The following VAV3 variants were observed in gnomAD, a reference collection of about 807,000 sequenced individuals.
The protein encoded by VAV3 is vav guanine nucleotide exchange factor 3, also known as guanine nucleotide exchange factor VAV3.
A neutral mutation model predicts 131.2 loss-of-function variants in VAV3; 94 were observed. The observed-to-expected ratio is 0.72, with a 90% CI of 0.61 to 0.85. VAV3 has a LOEUF of 0.85. VAV3 is among the 40% of genes least tolerant of loss of function. The pLI is 0.00. For synonymous variants in VAV3, 349 were observed against 342.0 expected (o/e 1.02, Z -0.22); for missense variants, 939 against 1,002.7 (o/e 0.94, Z 0.86).
At chr1:107,923,247 C>T (rs181159165) in intron 1 of VAV3, among the ~76,000 whole-genome samples, 510 of 152,098 alleles carry the variant, frequency 3.4e-3, no homozygotes, top group Non-Finnish European at 6.0e-3. Context: ...TTGCTTAACC[C>T]CCAACTAATA....
intron 1 of VAV3, among the ~76,000 whole-genome samples, chr1:107,900,035 T>C (rs1671779696): frequency 6.6e-6 from 1 of 152,214 alleles, no homozygotes; most frequent in Non-Finnish European, 1.5e-5. Flanking sequence ...CAGCAGGCAT[T>C]TGTAGCTCAC....
chr1:107,712,107 AAC>A (rs1173019984), intron 15 of VAV3, among the ~76,000 whole-genome samples: 1 of 152,220 alleles, frequency 6.6e-6, no homozygotes, highest in Non-Finnish European at 1.5e-5. Context: ...CTTGCAAACC[AAC>A]ACACAAACAT....
chr1:107,694,748 T>C (rs2101801751), intron 17 of VAV3, among the ~76,000 whole-genome samples: 1 of 152,320 alleles, frequency 6.6e-6, no homozygotes, highest in South Asian at 2.1e-4. Context: ...ACAGTGGTAC[T>C]CATTTGTCTG....
chr1:107,880,115 G>A (rs1049759415), intron 1 of VAV3, among the ~76,000 whole-genome samples: 53 of 152,166 alleles, frequency 3.5e-4, no homozygotes, highest in African/African-American at 1.2e-3. Context: ...GTGAGTCCAC[G>A]GTTGCACAAT....
At chr1:107,929,753 G>GT (rs1208354249) in intron 1 of VAV3, among the ~76,000 whole-genome samples, 1 of 152,130 alleles carries the variant, frequency 6.6e-6, no homozygotes, top group Non-Finnish European at 1.5e-5. Context: ...AAACAGTTTT[G>GT]TTATCAGCTT....
chr1:107,625,866 T>C (rs1653979402), intron 20 of VAV3, among the ~76,000 whole-genome samples: 1 of 152,200 alleles, frequency 6.6e-6, no homozygotes, highest in Non-Finnish European at 1.5e-5. Context: ...GAATTCCAAA[T>C]TCATGGCCCA....
chr1:107,728,600 C>CGTATATGTATATGTATATGTATAT (rs55725323), intron 15 of VAV3, among the ~76,000 whole-genome samples: 5,394 of 136,870 alleles, frequency 0.039, 162 homozygotes, highest in East Asian at 0.073. Context: ...TATACGTATA[C>CGTATATGTATATGTATATGTATAT]GTATATGTAT....
At chr1:107,942,529 T>G (rs577463682) in intron 1 of VAV3, among the ~76,000 whole-genome samples, 4 of 152,308 alleles carry the variant, frequency 2.6e-5, no homozygotes, top group Admixed American at 1.3e-4. Context: ...ATCATTAGAG[T>G]GATCTCTTTT....
chr1:107,576,299 T>C (rs1414309420), intron 25 of VAV3: 8 of 1,024,590 alleles, frequency 7.8e-6, no homozygotes, highest in Non-Finnish European at 1.1e-5. Flanking sequence ...TGTGAGGAGA[T>C]GTATCCGTAT....
At chr1:107,586,159 C>G (rs1217449711) in intron 25 of VAV3, among the ~76,000 whole-genome samples, 1 of 138,398 alleles carries the variant, frequency 7.2e-6, no homozygotes, top group Non-Finnish European at 1.6e-5. Context: ...TTTTTTTTTC[C>G]CAGAGCGCTC....
rs930608895 is a variant in VAV3 at position 107,886,461 on chromosome 1, A to T, written c.205-11444T>A. 1.2e-4 allele frequency among the ~76,000 whole-genome samples: 19 copies of T among 152,222 alleles called. 1 individual carries two copies. Among genetic ancestry groups the T allele is most frequent in the Admixed American group, 1.2e-3 (18 of 15,286 alleles). ...GACTGCAGGCACCTGCCACTTATCTAGACTTGTGTTCCATTCTAAGGAATG... is the reference window on the plus strand; with the variant it reads ...GACTGCAGGCACCTGCCACTTATCTTGACTTGTGTTCCATTCTAAGGAATG... On this transcript the variant is annotated intron_variant, in intron 1 of 26. Transcript: ENST00000370056.
intron 1 of VAV3, among the ~76,000 whole-genome samples, chr1:107,880,158 A>T (rs1038428558): frequency 6.6e-6 from 1 of 152,204 alleles, no homozygotes; most frequent in African/African-American, 2.4e-5. Flanking sequence ...ATACATTCAG[A>T]TGCTCCTTGA....
At chr1:107,712,087 C>T (rs1660821486) in intron 15 of VAV3, among the ~76,000 whole-genome samples, 1 of 152,156 alleles carries the variant, frequency 6.6e-6, no homozygotes, top group Non-Finnish European at 1.5e-5. Flanking sequence ...AAATTTAAAA[C>T]AAATCCTTCC....
At chr1:107,763,119 C>A (rs906660736) in intron 9 of VAV3, among the ~76,000 whole-genome samples, 1 of 152,148 alleles carries the variant, frequency 6.6e-6, no homozygotes, top group Non-Finnish European at 1.5e-5. Flanking sequence ...CTGGGGCTTG[C>A]GGCACGCAGC....
At chr1:107,646,520 T>C (rs1015387067) in intron 19 of VAV3, among the ~76,000 whole-genome samples, 3 of 152,050 alleles carry the variant, frequency 2.0e-5, no homozygotes, top group African/African-American at 7.2e-5. Flanking sequence ...TAATCAATTA[T>C]AATTATCCAA....
Position 107,891,863 on chromosome 1 carries a change from AAG to A in VAV3, c.205-16848_205-16847del, listed in dbSNP as rs1172927953. Among the ~76,000 whole-genome samples, 905 of 148,436 alleles carry A rather than the reference AAG, an allele frequency of 6.1e-3. 69 individuals carry two copies. In the East Asian group the frequency reaches 0.071, roughly 12 times the overall value. The stretch of plus-strand genomic sequence containing the variant: ...CAAAAAAAAAAAAAAAAAAAAAAAA[AAG>A]AGCTCAGGGGTCAGACCAGGCTGCT... On this transcript the variant is annotated intron_variant, in intron 1 of 26. Transcript: ENST00000370056.
chr1:107,759,257 T>C (rs1216200613), intron 10 of VAV3, among the ~76,000 whole-genome samples: 1 of 152,208 alleles, frequency 6.6e-6, no homozygotes, highest in Non-Finnish European at 1.5e-5. Context: ...GTTTCTGCTA[T>C]AAACAAGAAC....
intron 20 of VAV3, among the ~76,000 whole-genome samples, chr1:107,626,424 A>C (rs917829036): frequency 7.2e-5 from 11 of 152,168 alleles, no homozygotes; most frequent in Non-Finnish European, 7.3e-5. Context: ...ACTCTGATTT[A>C]ACTCAGTATT....
At chr1:107,682,407 A>C (rs1658701038) in intron 19 of VAV3, among the ~76,000 whole-genome samples, 1 of 152,224 alleles carries the variant, frequency 6.6e-6, no homozygotes, top group African/African-American at 2.4e-5. Context: ...TAATAGAGAA[A>C]GTCACTTCTA....
Sources: gnomAD v4.1 joint callset for allele counts (sites outside exome capture counted in the v4.1 genomes callset) on GRCh38, gnomAD v4.1.1 for gene constraint, MANE v1.5 for transcripts, NCBI Gene and HGNC (gene_info 2026-07-23, HGNC 2026-07-21) for gene names.